The following NBAS variants were observed in gnomAD, a reference collection of about 807,000 sequenced individuals.
NBAS encodes the protein NAG/BC035112 fusion.
NBAS carries 219 observed loss-of-function variants against 302.5 expected under a neutral mutation model. That is an observed-to-expected ratio of 0.72 (90% CI 0.65 to 0.81). The LOEUF is 0.81. NBAS is among the 30% of genes least tolerant of loss of function. The pLI is 0.00. For synonymous variants in NBAS, 1,118 were observed against 1,021.6 expected, an observed-to-expected ratio of 1.09 and a Z score of -1.80; for missense variants, 2,932 against 2,841.6, an observed-to-expected ratio of 1.03 and a Z score of -0.72.
chr2:15,155,337 GCTT>G, the NBAS span, among the ~76,000 whole-genome samples: 6 of 152,170 alleles, frequency 3.9e-5, no homozygotes, highest in East Asian at 1.9e-4. Flanking sequence ...TCTGACAAGA[GCTT>G]CTTCTTATTT....
At chr2:15,048,901 G>A in the NBAS span, among the ~76,000 whole-genome samples, 2 of 152,236 alleles carry the variant, frequency 1.3e-5, no homozygotes, top group Non-Finnish European at 2.9e-5. Flanking sequence ...ACTGTGGTCA[G>A]TGTGTGGCAG....
chr2:15,328,012 A>G, intron 37 of NBAS, 142 bp from the exon 38 acceptor site: 1 of 1,322,700 alleles, frequency 7.6e-7, no homozygotes. Flanking sequence ...TATTTTATGA[A>G]ACATTTTTAA....
At chr2:15,162,244 C>T (rs1412373074), downstream of NBAS, among the ~76,000 whole-genome samples, 6 of 152,206 alleles carry the variant, frequency 3.9e-5, no homozygotes, top group Non-Finnish European at 8.8e-5. Flanking sequence ...CATCTGCCGG[C>T]CTAAGATTGA....
the NBAS span, among the ~76,000 whole-genome samples, chr2:15,100,866 C>T: frequency 8.2e-4 from 125 of 152,234 alleles, no homozygotes; most frequent in Non-Finnish European, 1.4e-3. Flanking sequence ...CACACTTAAA[C>T]GGAATTCACT....
the NBAS span, among the ~76,000 whole-genome samples, chr2:15,151,461 G>A: frequency 6.6e-6 from 1 of 152,192 alleles, no homozygotes; most frequent in African/African-American, 2.4e-5. Flanking sequence ...AGCTACAATA[G>A]CTAACTCAAC....
the NBAS span, among the ~76,000 whole-genome samples, chr2:14,845,675 T>G: frequency 1.3e-5 from 2 of 152,062 alleles, no homozygotes; most frequent in African/African-American, 4.8e-5. Flanking sequence ...AAAGAAGAAA[T>G]TCAGAATTCT....
At chr2:14,924,611 T>G in the NBAS span, among the ~76,000 whole-genome samples, 1 of 152,222 alleles carries the variant, frequency 6.6e-6, no homozygotes, top group Non-Finnish European at 1.5e-5. Context: ...TATATAATAA[T>G]GTCCCGATAA....
rs370266917 is a variant in NBAS, at chr2:15,539,264, C to G, written c.472G>C (p.Val158Leu). 28 of 1,614,086 alleles carry G rather than the reference C, an allele frequency of 1.7e-5. No individual in the cohort carries two copies. Among genetic ancestry groups the G allele is most frequent in the Non-Finnish European group, 2.2e-5 (26 of 1,180,036 alleles). ...AYAESTGTVRVFDLMGSELFV... is the reference protein window; with the variant it reads ...AYAESTGTVRLFDLMGSELFV... ...AGTTCACTTCCCATGAGATCAAACA[C>G]CCTCACAGTTCCTGTGCTTTCGGCA... The change falls in exon 7 of 52, where the codon GTG (valine) becomes CTG (leucine). Residue 158 changes from valine (V) to leucine (L), a missense_variant. Physicochemically the swap from Val to Leu is conservative, Grantham distance 32 (BLOSUM62 1). Transcript: ENST00000281513.
At chr2:15,462,723 G>A (rs939623224) in intron 19 of NBAS, among the ~76,000 whole-genome samples, 1 of 152,118 alleles carries the variant, frequency 6.6e-6, no homozygotes, top group Non-Finnish European at 1.5e-5. Context: ...CAGCGAGCAG[G>A]TGAATACACA....
intron 44 of NBAS, among the ~76,000 whole-genome samples, chr2:15,241,281 C>T (rs193031537): frequency 6.6e-6 from 1 of 152,184 alleles, no homozygotes. Context: ...ATACACTCTT[C>T]CTAGCCTATT....
intron 50 of NBAS, chr2:15,179,456 C>T: frequency 3.5e-6 from 1 of 288,468 alleles, no homozygotes; most frequent in South Asian, 4.1e-5. Flanking sequence ...GTATTTATAG[C>T]TCCTTTGCAG....
intron 28 of NBAS, among the ~76,000 whole-genome samples, chr2:15,385,590 T>C (rs6733695): frequency 0.62 from 94,137 of 151,976 alleles, 29,959 homozygotes; most frequent in Middle Eastern, 0.68. Context: ...AACACGAATG[T>C]ATTAGTTGCA....
the NBAS span, among the ~76,000 whole-genome samples, chr2:15,062,400 G>A: frequency 1.3e-5 from 2 of 152,272 alleles, no homozygotes; most frequent in Middle Eastern, 3.4e-3. Context: ...TATACTAGAG[G>A]AAGGATATTT....
At chr2:14,809,334 G>C in the NBAS span, among the ~76,000 whole-genome samples, 3 of 152,312 alleles carry the variant, frequency 2.0e-5, no homozygotes, top group Admixed American at 2.0e-4. Flanking sequence ...AAATGGGTCT[G>C]TGGGTTGGGC....
chr2:15,544,147 C>CAT (rs1422291833), intron 6 of NBAS, among the ~76,000 whole-genome samples: 1 of 152,148 alleles, frequency 6.6e-6, no homozygotes, highest in Non-Finnish European at 1.5e-5. Flanking sequence ...AACAATCTCT[C>CAT]ATATATATAC....
chr2:15,239,794 T>TC (rs1667780760), intron 44 of NBAS, among the ~76,000 whole-genome samples: 2 of 152,180 alleles, frequency 1.3e-5, no homozygotes, highest in Non-Finnish European at 2.9e-5. Context: ...TTCACCCATT[T>TC]ATTCAGTGAC....
intron 10 of NBAS, among the ~76,000 whole-genome samples, chr2:15,505,237 G>A (rs1050922748): frequency 6.6e-6 from 1 of 152,130 alleles, no homozygotes; most frequent in Non-Finnish European, 1.5e-5. Flanking sequence ...AAACACCCAG[G>A]GAGGACAGAG....
At chr2:15,330,931 C>G (rs1385490950) in intron 35 of NBAS, among the ~76,000 whole-genome samples, 166 bp from the exon 36 acceptor site, 1 of 152,120 alleles carries the variant, frequency 6.6e-6, no homozygotes, top group Non-Finnish European at 1.5e-5. Flanking sequence ...TAAAAGAGCA[C>G]TATCAACATA....
At chr2:15,513,933 G>A (rs1213449906) in intron 9 of NBAS, among the ~76,000 whole-genome samples, 3 of 152,202 alleles carry the variant, frequency 2.0e-5, no homozygotes, top group East Asian at 3.9e-4. Context: ...GTTGCAGTGA[G>A]CCATAATTGT....
Sources: gnomAD v4.1 joint callset for allele counts (sites outside exome capture counted in the v4.1 genomes callset) on GRCh38, gnomAD v4.1.1 for gene constraint, MANE v1.5 for transcripts, NCBI Gene and HGNC (gene_info 2026-07-23, HGNC 2026-07-21) for gene names.